The following ASAP2 variants were observed in gnomAD, a reference collection of about 807,000 sequenced individuals.
ASAP2 encodes the protein ArfGAP with SH3 domain, ankyrin repeat and PH domain 2.
Under a neutral mutation model 131.4 loss-of-function variants are expected in ASAP2, and 45 were observed. The observed-to-expected ratio is 0.34, with a 90% CI of 0.27 to 0.44. The LOEUF is 0.44. ASAP2 is among the 20% of genes least tolerant of loss of function. The pLI, the probability that ASAP2 is intolerant of heterozygous loss-of-function variation, is 1.00. For synonymous variants in ASAP2, 510 were observed against 503.0 expected, an observed-to-expected ratio of 1.01 and a Z score of -0.19; for missense variants, 1,011 against 1,297.0, an observed-to-expected ratio of 0.78 and a Z score of 3.39.
chr2:9,256,039 C>T (rs145788296), intron 1 of ASAP2, among the ~76,000 whole-genome samples: 2 of 151,980 alleles, frequency 1.3e-5, no homozygotes, highest in African/African-American at 4.8e-5. Context: ...GATGAAGGAA[C>T]CTGTGTAGAC....
intron 26 of ASAP2, 90 bp downstream of exon 26, chr2:9,400,920 C>G: frequency 1.5e-6 from 2 of 1,313,056 alleles, no homozygotes; most frequent in South Asian, 2.4e-5. Flanking sequence ...AAGTCTTCCC[C>G]TCTTCCCCTG....
At chr2:9,223,002 T>C (rs1662534760) in intron 1 of ASAP2, among the ~76,000 whole-genome samples, 1 of 152,176 alleles carries the variant, frequency 6.6e-6, no homozygotes, top group African/African-American at 2.4e-5. Flanking sequence ...CTTTAAAAGA[T>C]CCTGTTCCAT....
intron 16 of ASAP2, among the ~76,000 whole-genome samples, chr2:9,374,381 GC>G (rs1674218977): frequency 6.6e-6 from 1 of 152,246 alleles, no homozygotes; most frequent in African/African-American, 2.4e-5. Flanking sequence ...GAGGGCAGGG[GC>G]AGGGCCTTCC....
Position 9,356,085 on chromosome 2 carries a change from G to GA in ASAP2, c.1152dup (p.Cys385MetfsTer11). On this transcript the variant is annotated frameshift_variant, in exon 13 of 28. Coordinates refer to ENST00000281419, the MANE Select transcript of ASAP2 (RefSeq NM_003887.3). LOFTEE classifies it high-confidence loss of function. ...CCACTTTCAAGCTGAAGATGAACAG[G>GA]AATGTCAAATGTAAGTTACATGGTG... The GA allele has an allele frequency of 6.2e-7, 1 of 1,614,196 alleles. No individual in the cohort carries two copies. Among genetic ancestry groups the GA allele is most frequent in the Non-Finnish European group, 8.5e-7 (1 of 1,180,050 alleles).
At chr2:9,220,316 A>G (rs1050609498) in intron 1 of ASAP2, among the ~76,000 whole-genome samples, 4 of 152,196 alleles carry the variant, frequency 2.6e-5, no homozygotes, top group Non-Finnish European at 4.4e-5. Context: ...TTTGCCAAAG[A>G]GGCTGCACCA....
intron 24 of ASAP2, among the ~76,000 whole-genome samples, chr2:9,396,733 G>T (rs2148815439): frequency 6.6e-6 from 1 of 152,326 alleles, no homozygotes; most frequent in South Asian, 2.1e-4. Flanking sequence ...TGGGCACAGT[G>T]GCTCACACCT....
intron 15 of ASAP2, among the ~76,000 whole-genome samples, chr2:9,368,135 G>A (rs1264026046): frequency 6.6e-6 from 1 of 152,204 alleles, no homozygotes; most frequent in African/African-American, 2.4e-5. Flanking sequence ...GAGTGGGTAA[G>A]GATGGAAATT....
chr2:9,207,768 A>C lies in ASAP2; in HGVS notation c.126+538A>C, dbSNP rs1661231073. On this transcript the variant is annotated intron_variant, in intron 1 of 27. Transcript: ENST00000281419. The surrounding 1 kb of genome is among the most constrained non-coding windows in gnomAD (Gnocchi z 4.1). ...AGCCAGGGCGGCCTGGCTGCGCTCC[A>C]CCCGTGCCCGGAGAAGGAACTGCGG... Among the ~76,000 whole-genome samples the C allele has an allele frequency of 6.6e-6, 1 of 151,952 alleles. No homozygotes were observed. The highest frequency in any genetic ancestry group is 1.5e-5 in the Non-Finnish European group (1 of 67,958).
chr2:9,312,779 T>C (rs10197626), intron 3 of ASAP2, among the ~76,000 whole-genome samples: 56,442 of 151,950 alleles, frequency 0.37, 11,033 homozygotes, highest in African/African-American at 0.47. Context: ...GTTTCCTAAC[T>C]CATCCGTACA....
intron 12 of ASAP2, among the ~76,000 whole-genome samples, chr2:9,352,247 A>AC (rs1491506375): frequency 2.5e-4 from 25 of 101,292 alleles, no homozygotes; most frequent in East Asian, 2.4e-3. Flanking sequence ...ACACACACAC[A>AC]AACACACACA....
At chr2:9,246,793 C>T (rs1444443355) in intron 1 of ASAP2, among the ~76,000 whole-genome samples, 1 of 152,170 alleles carries the variant, frequency 6.6e-6, no homozygotes, top group Non-Finnish European at 1.5e-5. Context: ...CTGGGATACT[C>T]CTGGCTTCTA....
intron 1 of ASAP2, among the ~76,000 whole-genome samples, chr2:9,249,093 G>T (rs1244360685): frequency 6.6e-6 from 1 of 152,244 alleles, no homozygotes; most frequent in Non-Finnish European, 1.5e-5. Context: ...GGCATGTAGG[G>T]GCTGAGAGGC....
chr2:9,396,552 C>T (rs2148815122), intron 24 of ASAP2, among the ~76,000 whole-genome samples: 1 of 152,318 alleles, frequency 6.6e-6, no homozygotes, highest in East Asian at 1.9e-4. Context: ...ACTGGGATTA[C>T]AGGCATGAGG....
chr2:9,264,053 A>T (rs1021972861), intron 1 of ASAP2, among the ~76,000 whole-genome samples: 5 of 151,970 alleles, frequency 3.3e-5, no homozygotes, highest in African/African-American at 1.2e-4. Context: ...TTAACCAGGT[A>T]TGGTGGTATG....
rs1006569183 is a variant in ASAP2, at chr2:9,268,127, T to C, written c.127-11190T>C. Among the ~76,000 whole-genome samples, 2 of 152,180 alleles carry C rather than the reference T, an allele frequency of 1.3e-5. No homozygotes were observed. Among genetic ancestry groups the C allele is most frequent in the African/African-American group, 4.8e-5 (2 of 41,448 alleles). ...AACTTTTTATACTGCATGTATTCTTTTGCTCAACATTTTTGTCAAGTTCAC... is the reference window on the plus strand; with the variant it reads ...AACTTTTTATACTGCATGTATTCTTCTGCTCAACATTTTTGTCAAGTTCAC... On this transcript the variant is annotated intron_variant, in intron 1 of 27. Coordinates refer to ENST00000281419, the MANE Select transcript of ASAP2 (RefSeq NM_003887.3). The surrounding 1 kb of genome is among the most constrained non-coding windows in gnomAD (Gnocchi z 4.1).
At chr2:9,356,870 T>G (rs571682551) in intron 14 of ASAP2, among the ~76,000 whole-genome samples, 2 of 152,306 alleles carry the variant, frequency 1.3e-5, no homozygotes, top group East Asian at 3.9e-4. Flanking sequence ...AAATAAGATT[T>G]TATTTTTACA....
At position 9,393,641 on chromosome 2, in the gene ASAP2, C is replaced by T. The variant is rs1298511982; in HGVS notation, c.2678C>T (p.Ala893Val). Residue 893 changes from alanine (A) to valine (V), a missense_variant, in exon 24 of 28, where the codon GCG becomes GTG. This residue lies in a region of ASAP2 where 652 missense variants were observed against 698.9 expected (regional missense o/e 0.93). Coordinates refer to ENST00000281419, the MANE Select transcript of ASAP2 (RefSeq NM_003887.3). Reference protein sequence around the residue: ...PPSRLPQKKPAPGADKSTPLT... With the variant: ...PPSRLPQKKPVPGADKSTPLT... ...AGCCGCCTCCCGCAGAAGAAGCCTGCGCCGGGGTAAGCCACCCCCAGCCAG... is the reference window on the plus strand; with the variant it reads ...AGCCGCCTCCCGCAGAAGAAGCCTGTGCCGGGGTAAGCCACCCCCAGCCAG... 25 of 1,571,492 alleles carry T rather than the reference C, an allele frequency of 1.6e-5. No individual in the cohort carries two copies. The Middle Eastern group carries it at 9.7e-4, about 61-fold the overall frequency.
At chr2:9,254,527 A>ATTTTT (rs546862626) in intron 1 of ASAP2, among the ~76,000 whole-genome samples, 1,270 of 27,962 alleles carry the variant, frequency 0.045, 294 homozygotes, top group African/African-American at 0.13. Context: ...TAATTTTTGG[A>ATTTTT]TTTTTTTTTT....
At chr2:9,395,858 C>T (rs1425296355) in intron 24 of ASAP2, among the ~76,000 whole-genome samples, 2 of 151,968 alleles carry the variant, frequency 1.3e-5, no homozygotes, top group African/African-American at 2.4e-5. Flanking sequence ...CTGCCCTCCT[C>T]GGCCTCCCAA....
Sources: gnomAD v4.1 joint callset for allele counts (sites outside exome capture counted in the v4.1 genomes callset) on GRCh38, gnomAD v4.1.1 for gene constraint, gnomAD v4.1.1 regional missense constraint, Gnocchi (gnomAD v3.1) non-coding constraint, MANE v1.5 for transcripts, NCBI Gene and HGNC (gene_info 2026-07-23, HGNC 2026-07-21) for gene names.